RPA2: variants seen among roughly 807,000 people sequenced by gnomAD.
The protein encoded by RPA2 is replication protein A2.
Under a neutral mutation model 33.4 loss-of-function variants are expected in RPA2, and 22 were observed. That is an observed-to-expected ratio of 0.66 (90% CI 0.47 to 0.94). RPA2 has a LOEUF of 0.94. Among genes scored for constraint, RPA2 ranks in the 40% least tolerant of loss-of-function variants. RPA2 has a pLI of 0.00. For synonymous variants in RPA2, 109 were observed against 114.9 expected (o/e 0.95, Z 0.33); for missense variants, 279 against 329.9 (o/e 0.85, Z 1.19).
At chr1:27,906,136 G>A (rs1468682932) in intron 4 of RPA2, among the ~76,000 whole-genome samples, 1 of 152,050 alleles carries the variant, frequency 6.6e-6, no homozygotes, top group Admixed American at 6.6e-5. Context: ...TTGAGAGGCT[G>A]AGGAGGGTGG....
chr1:27,914,687 C>A (rs2148664668), upstream of RPA2: 1 of 1,612,258 alleles, frequency 6.2e-7, no homozygotes, highest in Admixed American at 1.7e-5. Context: ...ACTGCGCTCC[C>A]AGTTGGCTCC....
upstream of RPA2, chr1:27,914,609 C>T: frequency 6.2e-7 from 1 of 1,613,872 alleles, no homozygotes; most frequent in Non-Finnish European, 8.5e-7. Context: ...GTGCTCGCTT[C>T]AGCCAATCGG....
chr1:27,897,570 G>T, intron 5 of RPA2, 63 bp downstream of exon 5: 1 of 1,198,086 alleles, frequency 8.3e-7, no homozygotes, highest in South Asian at 1.5e-5. Flanking sequence ...CAAAAGCCAT[G>T]ACATGAATCT....
rs771264048 is a variant in RPA2 at position 27,914,102 on chromosome 1, G to GC, written c.77dup (p.Phe27LeufsTer35). 1 of 1,604,840 alleles carries GC rather than the reference G, an allele frequency of 6.2e-7. No homozygotes were observed. Among genetic ancestry groups the GC allele is most frequent in the Non-Finnish European group, 8.5e-7 (1 of 1,176,956 alleles). On this transcript the variant is annotated frameshift_variant, in exon 2 of 9. Transcript: ENST00000373912. LOFTEE classifies it high-confidence loss of function. ...CTTGAGAAGGTGCGGGCGATCCAAA[G>GC]CCCCCCGGGGACTGCGTGTAGCCGC...
chr1:27,914,578 C>T (rs28988894), upstream of RPA2: 14 of 1,612,468 alleles, frequency 8.7e-6, no homozygotes, highest in Non-Finnish European at 1.0e-5. Flanking sequence ...CCGCGAATGG[C>T]GGAGCCAGTC....
At chr1:27,911,658 A>T (rs919391605) in intron 2 of RPA2, among the ~76,000 whole-genome samples, 28 of 152,192 alleles carry the variant, frequency 1.8e-4, no homozygotes, top group African/African-American at 6.8e-4. Flanking sequence ...GGATTTGTTC[A>T]GCATCATGTG....
chr1:27,905,466 G>T (rs926125991), intron 4 of RPA2, among the ~76,000 whole-genome samples: 4 of 151,614 alleles, frequency 2.6e-5, no homozygotes, highest in African/African-American at 4.8e-5. Context: ...GCTAATTTTT[G>T]TATTTTTAGG....
At chr1:27,900,364 A>T (rs909354506) in intron 4 of RPA2, among the ~76,000 whole-genome samples, 2 of 151,954 alleles carry the variant, frequency 1.3e-5, no homozygotes, top group African/African-American at 4.8e-5. Context: ...CACCTGCCTC[A>T]GTCTCCCAAA....
At chr1:27,914,259 T>C in intron 1 of RPA2, 90 bp from the exon 2 acceptor site, 1 of 1,595,858 alleles carries the variant, frequency 6.3e-7, no homozygotes, top group East Asian at 2.3e-5. Flanking sequence ...CTTCAAACAC[T>C]GCCCGAGTCT....
chr1:27,909,638 C>T (rs774578038), intron 2 of RPA2, among the ~76,000 whole-genome samples: 1 of 151,708 alleles, frequency 6.6e-6, no homozygotes, highest in African/African-American at 2.4e-5. Context: ...CACTTGAACT[C>T]GGGAGGCGGA....
intron 4 of RPA2, among the ~76,000 whole-genome samples, chr1:27,905,604 T>C (rs1236250725): frequency 6.6e-6 from 1 of 151,198 alleles, no homozygotes; most frequent in African/African-American, 2.4e-5. Context: ...TCTTTGTACC[T>C]GTCTTTAATT....
chr1:27,897,947 G>A (rs2089913815), intron 4 of RPA2, among the ~76,000 whole-genome samples: 1 of 152,150 alleles, frequency 6.6e-6, no homozygotes, highest in African/African-American at 2.4e-5. Context: ...TCATAAAAAA[G>A]CAAACAATTG....
chr1:27,909,933 T>C (rs1023653027), intron 2 of RPA2, among the ~76,000 whole-genome samples: 2 of 152,182 alleles, frequency 1.3e-5, no homozygotes, highest in African/African-American at 2.4e-5. Context: ...AATAACAACG[T>C]TGACAGGATC....
In RPA2 at chr1:27,897,085, G is replaced by A. The variant is rs2089902687; in HGVS notation, c.445C>T (p.Leu149=). 5 of 1,613,930 alleles carry A rather than the reference G, an allele frequency of 3.1e-6. No homozygotes were observed. The highest frequency in any genetic ancestry group is 4.2e-6 in the Non-Finnish European group (5 of 1,179,948). ...KSLVAFKIMP[L]EDMNEFTTHI... is the part of the protein sequence containing the mutation. ...GTGGTGAACTCATTCATATCCTCCA[G>A]GGGCATGATCTTAAAGGCTACCAGG... is the stretch of plus-strand genomic sequence containing the variant. The change falls in exon 6 of 9, where the codon CTG becomes TTG. Residue 149 remains leucine, a synonymous_variant. Coordinates refer to ENST00000373912, the MANE Select transcript of RPA2 (RefSeq NM_002946.5).
chr1:27,906,939 C>A lies in RPA2; in HGVS notation c.322G>T (p.Val108Phe), dbSNP rs758424316. The change falls in exon 4 of 9, where the codon GTT (valine) becomes TTT (phenylalanine). Residue 108 changes from valine to phenylalanine, a missense_variant. Transcript: ENST00000373912. ...TAAPMDVRQW[V>F]DTDDTSSENT... ...AAACAGCCACTTACATCTGTGTCAA[C>A]CCACTGGCGAACGTCCATGGGTGCA... The A allele has an allele frequency of 2.5e-6, 4 of 1,612,444 alleles. No homozygotes were observed. The highest frequency in any genetic ancestry group is 1.7e-5 in the Admixed American group (1 of 59,804).
intron 6 of RPA2, among the ~76,000 whole-genome samples, chr1:27,894,808 C>CT (rs936851134): frequency 2.2e-4 from 34 of 151,432 alleles, no homozygotes; most frequent in Admixed American, 1.4e-3. Flanking sequence ...CTCTTTCTTT[C>CT]TTTTTTTTTA....
intron 4 of RPA2, among the ~76,000 whole-genome samples, chr1:27,901,701 AAC>A (rs2089969857): frequency 6.6e-6 from 1 of 152,180 alleles, no homozygotes; most frequent in South Asian, 2.1e-4. Context: ...AAACAAAAAA[AAC>A]AAACTTTGGG....
At chr1:27,912,283 C>T (rs952391713) in intron 2 of RPA2, among the ~76,000 whole-genome samples, 1 of 151,942 alleles carries the variant, frequency 6.6e-6, no homozygotes, top group African/African-American at 2.4e-5. Flanking sequence ...GTGGCTCACA[C>T]CTGTAATCTC....
chr1:27,912,650 G>A (rs888040973), intron 2 of RPA2, among the ~76,000 whole-genome samples: 5 of 152,116 alleles, frequency 3.3e-5, no homozygotes, highest in East Asian at 3.8e-4. Context: ...GAACCACCCC[G>A]TGACATGAGT....
Sources: allele counts gnomAD v4.1 joint callset (sites outside exome capture counted in the v4.1 genomes callset), GRCh38; gene constraint gnomAD v4.1.1; transcripts MANE v1.5; gene names NCBI Gene and HGNC (gene_info 2026-07-23, HGNC 2026-07-21).